The following KIF21B variants were observed in gnomAD, a reference collection of about 807,000 sequenced individuals.
The protein encoded by KIF21B is kinesin-like protein KIF21B.
KIF21B carries 85 observed loss-of-function variants against 192.9 expected under a neutral mutation model. The observed-to-expected ratio is 0.44, with a 90% CI of 0.37 to 0.53. KIF21B has a LOEUF of 0.53. Among genes scored for constraint, KIF21B ranks in the 20% least tolerant of loss-of-function variants. KIF21B has a pLI of 0.00. For synonymous variants in KIF21B, 832 were observed against 884.6 expected (o/e 0.94, Z 1.05); for missense variants, 1,716 against 2,194.8 (o/e 0.78, Z 4.36).
In KIF21B at chr1:200,981,008, T is replaced by C. The variant is rs1162315652; in HGVS notation, c.3931A>G (p.Ile1311Val). Reference sequence around the variant, plus strand: ...TCATCTGTGGCATCCAGGCAGAGGATGGGCTTGGTGTGGCCTTCGGCCATG... The same window carrying C: ...TCATCTGTGGCATCCAGGCAGAGGACGGGCTTGGTGTGGCCTTCGGCCATG... ...VSMAEGHTKP[I>V]LCLDATDELL... The change falls in exon 29 of 35, where the codon ATC becomes GTC. Residue 1311 changes from isoleucine (I) to valine (V), a missense_variant. Physicochemically the swap from Ile to Val is conservative, Grantham distance 29. This residue lies in a region of KIF21B where 580 missense variants were observed against 775.5 expected (regional missense o/e 0.75). Transcript: ENST00000461742. 15 of 1,611,204 alleles carry C rather than the reference T, an allele frequency of 9.3e-6. No individual in the cohort carries two copies. The highest frequency in any genetic ancestry group is 4.4e-5 in the South Asian group (4 of 90,464).
chr1:200,974,954 T>C (rs759687793), intron 33 of KIF21B, 41 bp from the exon 34 acceptor site: 5 of 1,596,556 alleles, frequency 3.1e-6, no homozygotes, highest in Non-Finnish European at 4.3e-6. Flanking sequence ...GGGGAGGTGA[T>C]GAGGGAGAGA....
At chr1:200,985,637 C>T (rs1238497194) in intron 26 of KIF21B, among the ~76,000 whole-genome samples, 2 of 152,208 alleles carry the variant, frequency 1.3e-5, no homozygotes, top group Admixed American at 1.3e-4. Flanking sequence ...CTTCGATCTA[C>T]AGAAGCTCTG....
chr1:200,998,584 G>T lies in KIF21B; in HGVS notation c.1886-9C>A. The T allele has an allele frequency of 6.2e-7, 1 of 1,611,474 alleles. No individual in the cohort carries two copies. The highest frequency in any genetic ancestry group is 2.2e-5 in the East Asian group (1 of 44,812). Reference sequence around the variant, plus strand: ...CGCCTGGAAGTTCACCTCTATGGGGGCACAATCAGGCTCAGCCCAGCGTTA... The same window carrying T: ...CGCCTGGAAGTTCACCTCTATGGGGTCACAATCAGGCTCAGCCCAGCGTTA... On this transcript the variant is annotated splice_polypyrimidine_tract_variant and intron_variant, in intron 13 of 34. Transcript: ENST00000461742. The surrounding 1 kb of genome is among the most constrained non-coding windows in gnomAD (Gnocchi z 4.3).
In KIF21B at chr1:201,008,961, C is replaced by T; in HGVS notation, c.265-10G>A. On this transcript the variant is annotated splice_polypyrimidine_tract_variant and intron_variant, in intron 2 of 34. Coordinates refer to ENST00000461742, the MANE Select transcript of KIF21B (RefSeq NM_001252102.2). Reference sequence around the variant, plus strand: ...TCTTCCCGGCCCCCGTCTGCATTGGCAAAGATAGGAGGGTGTAACCCTGCA... The same window carrying T: ...TCTTCCCGGCCCCCGTCTGCATTGGTAAAGATAGGAGGGTGTAACCCTGCA... 1 of 1,603,642 alleles carries T rather than the reference C, an allele frequency of 6.2e-7. No individual in the cohort carries two copies. The highest frequency in any genetic ancestry group is 8.5e-7 in the Non-Finnish European group (1 of 1,177,448).
intron 14 of KIF21B, among the ~76,000 whole-genome samples, chr1:200,996,745 G>A (rs74138809): frequency 0.041 from 6,230 of 152,232 alleles, 268 homozygotes; most frequent in East Asian, 0.12. Flanking sequence ...GGGCCTGTGG[G>A]AAGGGGAAGA....
Position 200,974,841 on chromosome 1 carries a change from C to T in KIF21B, c.4687G>A (p.Ala1563Thr), listed in dbSNP as rs745363004. 9.3e-6 allele frequency: 15 copies of T among 1,614,088 alleles called. No individual in the cohort carries two copies. The highest frequency in any genetic ancestry group is 3.3e-5 in the South Asian group (3 of 91,092). ...ACCTTGATGACACCCGCACGGCAGG[C>T]GCTGAGCAGCATGGGGCGGCCCGGG... Reference protein sequence around the residue: ...FIPGRPMLLSACRAGVIKVWN... With the variant: ...FIPGRPMLLSTCRAGVIKVWN... The change falls in exon 34 of 35, where the codon GCC becomes ACC. Residue 1563 changes from alanine to threonine, a missense_variant. Physicochemically the swap from Ala to Thr is moderately conservative, Grantham distance 58. Coordinates refer to ENST00000461742, the MANE Select transcript of KIF21B (RefSeq NM_001252102.2).
At position 200,990,859 on chromosome 1, in the gene KIF21B, G is replaced by A. The variant is rs1656639025; in HGVS notation, c.2687+58C>T. The A allele has an allele frequency of 1.9e-6, 3 of 1,604,860 alleles. No homozygotes were observed. The highest frequency in any genetic ancestry group is 1.3e-5 in the African/African-American group (1 of 74,746). ...CTTCCCTCTTCCTCACCCTGGCCCTGCCCCATATTCCCACCCCCTCTGCCT... is the reference window on the plus strand; with the variant it reads ...CTTCCCTCTTCCTCACCCTGGCCCTACCCCATATTCCCACCCCCTCTGCCT... On this transcript the variant is annotated intron_variant, in intron 18 of 34. Transcript: ENST00000461742. This position sits in a 1 kb window ranked among gnomAD's most constrained non-coding sequence, Gnocchi z 5.4.
rs1193270248 is a variant in KIF21B at position 200,971,123 on chromosome 1, G to A, written c.*2398C>T. The A allele has an allele frequency of 2.0e-5, 3 of 152,814 alleles. No individual in the cohort carries two copies. Among genetic ancestry groups the A allele is most frequent in the Non-Finnish European group, 4.4e-5 (3 of 68,056 alleles). The allele number at this position is 152,814 out of a possible 1,614,324, so 9.5% of individuals were successfully genotyped here. A position where few individuals can be genotyped will look rare whatever the true frequency, so the allele number is the denominator to read the frequency against. On this transcript the variant is annotated 3_prime_UTR_variant, in exon 35 of 35. Coordinates refer to ENST00000461742, the MANE Select transcript of KIF21B (RefSeq NM_001252102.2). ...CATTTAGGGTGCTTGTGCAGTGAGT[G>A]GAGCTGGGGGCCTGCCCCCTAACAT...
At chr1:200,996,040 G>A (rs568621539) in intron 15 of KIF21B, among the ~76,000 whole-genome samples, 156 bp downstream of exon 15, 3 of 152,288 alleles carry the variant, frequency 2.0e-5, no homozygotes, top group South Asian at 4.1e-4. Context: ...TAAGAGGACC[G>A]TGTCAAGGGC....
In KIF21B at chr1:201,009,077, C is replaced by A. The variant is rs546348899; in HGVS notation, c.265-126G>T. The A allele has an allele frequency of 8.0e-6, 10 of 1,246,552 alleles. No individual in the cohort carries two copies. In the South Asian group the frequency reaches 1.0e-4, roughly 13 times the overall value. 77.2% of individuals were successfully genotyped at this position (1,246,552 alleles called of 1,614,324 possible). Reference sequence around the variant, plus strand: ...CCGGTTCCCCTGCTGCTTTCTTGGTCCTGAAGCCACACTCTGGGGAAATCA... The same window carrying A: ...CCGGTTCCCCTGCTGCTTTCTTGGTACTGAAGCCACACTCTGGGGAAATCA... On this transcript the variant is annotated intron_variant, in intron 2 of 34. Coordinates refer to ENST00000461742, the MANE Select transcript of KIF21B (RefSeq NM_001252102.2).
rs61817960 is a variant in KIF21B at position 200,994,104 on chromosome 1, C to T, written c.2278-1715G>A. On this transcript the variant is annotated intron_variant, in intron 15 of 34. Transcript: ENST00000461742. The stretch of plus-strand genomic sequence containing the variant: ...GGTGCTATGTCTTCCTGGTCAAAGA[C>T]TCATCCACCCGACTTTGCATGTGTA... 5.3e-3 allele frequency among the ~76,000 whole-genome samples: 814 copies of T among 152,314 alleles called. 7 individuals are homozygous for T. The highest frequency in any genetic ancestry group is 8.6e-3 in the Admixed American group (131 of 15,304).
Position 200,973,123 on chromosome 1 carries a change from G to A in KIF21B, c.*398C>T, listed in dbSNP as rs1222710170. On this transcript the variant is annotated 3_prime_UTR_variant, in exon 35 of 35. Coordinates refer to ENST00000461742, the MANE Select transcript of KIF21B (RefSeq NM_001252102.2). ...GAGGCTGGGCTGGGAGAAGCGGGGA[G>A]GCCAGCTCCTCGGAAGGGTGGGATG... 1 of 184,396 alleles carries A rather than the reference G, an allele frequency of 5.4e-6. No individual in the cohort carries two copies. The allele number at this position is 184,396 out of a possible 1,614,324, so 11.4% of individuals were successfully genotyped here.
At position 200,990,461 on chromosome 1, in the gene KIF21B, G is replaced by A. The variant is rs1558008006; in HGVS notation, c.2835+115C>T. ...CCAGCACCTCTGGATTCCAGAGCAG[G>A]CAAAAGGAGCAGAGGGAAGTGGGGC... On this transcript the variant is annotated intron_variant, in intron 19 of 34. Coordinates refer to ENST00000461742, the MANE Select transcript of KIF21B (RefSeq NM_001252102.2). This position sits in a 1 kb window ranked among gnomAD's most constrained non-coding sequence, Gnocchi z 5.4. The A allele has an allele frequency of 1.3e-6, 2 of 1,482,362 alleles. No homozygotes were observed. Among genetic ancestry groups the A allele is most frequent in the Admixed American group, 1.8e-5 (1 of 54,852 alleles). The allele number at this position is 1,482,362 out of a possible 1,614,324, so 91.8% of individuals were successfully genotyped here.
chr1:201,016,453 C>G (rs957781541), intron 1 of KIF21B, among the ~76,000 whole-genome samples: 1 of 152,208 alleles, frequency 6.6e-6, no homozygotes, highest in Non-Finnish European at 1.5e-5. Context: ...GTCTACACCC[C>G]CACTTTAATG....
intron 30 of KIF21B, 31 bp downstream of exon 30, chr1:200,979,504 G>T: frequency 1.3e-6 from 2 of 1,493,340 alleles, no homozygotes; most frequent in South Asian, 2.7e-5. Context: ...TGCTGCAGCC[G>T]ACCACTGTGA....
At chr1:200,988,703 G>GC in intron 22 of KIF21B, 63 bp downstream of exon 22, 1 of 1,558,122 alleles carries the variant, frequency 6.4e-7, no homozygotes, top group Non-Finnish European at 8.7e-7. Context: ...CCTTGTGGGG[G>GC]TCTGAGCCCA....
At chr1:200,988,449 T>A in intron 23 of KIF21B, 44 bp downstream of exon 23, 2 of 1,609,728 alleles carry the variant, frequency 1.2e-6, no homozygotes, top group Non-Finnish European at 1.7e-6. Flanking sequence ...CAGCCCCAGG[T>A]ACATGCTGTG....
rs769663553 is a variant in KIF21B, at chr1:201,002,197, T to C, written c.1366A>G (p.Met456Val). 1.2e-6 allele frequency: 2 copies of C among 1,614,154 alleles called. No homozygotes were observed. Among genetic ancestry groups the C allele is most frequent in the Non-Finnish European group, 1.7e-6 (2 of 1,179,990 alleles). ...DAINNRVTQL[M>V]SQEANLLLAK... is the part of the protein sequence containing the mutation. Reference sequence around the variant, plus strand: ...AGCAGCAGGTTGGCCTCCTGGCTCATGAGCTGGGTGACGCGGTTGTTGATG... The same window carrying C: ...AGCAGCAGGTTGGCCTCCTGGCTCACGAGCTGGGTGACGCGGTTGTTGATG... Residue 456 changes from methionine to valine, a missense_variant, in exon 9 of 35, where the codon ATG (methionine) becomes GTG (valine). Met to Val is a conservative substitution (Grantham distance 21, BLOSUM62 1). This residue lies in a region of KIF21B where 1,087 missense variants were observed against 1,316.6 expected (regional missense o/e 0.83). Coordinates refer to ENST00000461742, the MANE Select transcript of KIF21B (RefSeq NM_001252102.2).
rs369968433 is a variant in KIF21B at position 200,988,752 on chromosome 1, G to T, written c.3298+14C>A. The T allele has an allele frequency of 6.3e-7, 1 of 1,595,122 alleles. No homozygotes were observed. On this transcript the variant is annotated intron_variant, in intron 22 of 34. Coordinates refer to ENST00000461742, the MANE Select transcript of KIF21B (RefSeq NM_001252102.2). ...GCCAAGGAGCTGGCAGCTTCCAACCGCCCCTACCCGTACCCTGCTGCACAT... is the reference window on the plus strand; with the variant it reads ...GCCAAGGAGCTGGCAGCTTCCAACCTCCCCTACCCGTACCCTGCTGCACAT...
Sources: allele counts gnomAD v4.1 joint callset (sites outside exome capture counted in the v4.1 genomes callset), GRCh38; gene constraint gnomAD v4.1.1; regional missense constraint gnomAD v4.1.1; non-coding constraint Gnocchi (gnomAD v3.1); transcripts MANE v1.5; gene names NCBI Gene and HGNC (gene_info 2026-07-23, HGNC 2026-07-21).